The following CSMD2 variants were observed in gnomAD, a reference collection of about 807,000 sequenced individuals.
The protein encoded by CSMD2 is CUB and Sushi multiple domains 2.
Under a neutral mutation model 398.5 loss-of-function variants are expected in CSMD2, and 130 were observed. That is an observed-to-expected ratio of 0.33 (90% confidence interval 0.28 to 0.38). CSMD2 has a LOEUF of 0.38. Ranked by LOEUF, CSMD2 falls within the 10% of genes least tolerant of loss-of-function variation. The probability of loss-of-function intolerance (pLI) is 1.00; values close to 1 mark genes in which losing one functional copy is unlikely to be tolerated. For missense variants in CSMD2, 3,829 were observed against 4,764.9 expected, an observed-to-expected ratio of 0.80 and a Z score of 5.78; for synonymous variants, 1,828 against 1,908.5, an observed-to-expected ratio of 0.96 and a Z score of 1.10.
At chr1:33,677,322 AAAG>A (rs1644751481) in intron 25 of CSMD2, among the ~76,000 whole-genome samples, 1 of 152,270 alleles carries the variant, frequency 6.6e-6, no homozygotes, top group Non-Finnish European at 1.5e-5. Context: ...ATACTTCTCA[AAAG>A]AAGACATTTA....
chr1:33,999,778 G>A (rs1646842843), intron 3 of CSMD2, among the ~76,000 whole-genome samples: 1 of 151,876 alleles, frequency 6.6e-6, no homozygotes, highest in African/African-American at 2.4e-5. Context: ...GAGGATAACT[G>A]GACATACACT....
Position 33,523,360 on chromosome 1 carries a change from C to G in CSMD2, c.10456G>C (p.Val3486Leu). 1 of 1,604,186 alleles carries G rather than the reference C, an allele frequency of 6.2e-7. No individual in the cohort carries two copies. The highest frequency in any genetic ancestry group is 1.3e-5 in the African/African-American group (1 of 74,850). ...LLQVYQITGP[V>L]EIFMNKFKDD... ...TTGAACTTATTCATAAAGATCTCCACAGGCCCTGTAATCTGGTACACCTGG... is the reference window on the plus strand; with the variant it reads ...TTGAACTTATTCATAAAGATCTCCAGAGGCCCTGTAATCTGGTACACCTGG... The change falls in exon 67 of 71, where the codon GTG becomes CTG. Residue 3486 changes from valine to leucine, a missense_variant. Physicochemically the swap from Val to Leu is conservative, Grantham distance 32. This residue lies in a region of CSMD2 where 917 missense variants were observed against 1,199.5 expected (regional missense o/e 0.76). Coordinates refer to ENST00000373381, the MANE Select transcript of CSMD2 (RefSeq NM_001281956.2).
At chr1:34,032,509 C>T in intron 3 of CSMD2, 85 bp downstream of exon 3, 1 of 858,452 alleles carries the variant, frequency 1.2e-6, no homozygotes, top group South Asian at 1.9e-5. Flanking sequence ...GAACACTTCC[C>T]TGCATCTGTG....
chr1:33,998,994 A>C (rs1646812948), intron 3 of CSMD2, among the ~76,000 whole-genome samples: 1 of 152,188 alleles, frequency 6.6e-6, no homozygotes, highest in Non-Finnish European at 1.5e-5. Context: ...TAATAAGGAC[A>C]TTGAAGAAGA....
intron 17 of CSMD2, 123 bp from the exon 18 acceptor site, chr1:33,724,827 C>G: frequency 1.1e-6 from 1 of 880,758 alleles, no homozygotes; most frequent in Non-Finnish European, 1.7e-6. Flanking sequence ...CAATTACTGA[C>G]TCATGAAATG....
At chr1:33,620,252 CTT>C (rs1232980784) in intron 37 of CSMD2, among the ~76,000 whole-genome samples, 1 of 152,236 alleles carries the variant, frequency 6.6e-6, no homozygotes, top group African/African-American at 2.4e-5. Flanking sequence ...GTGGATGTGA[CTT>C]TTCAGTACCC....
chr1:33,591,409 T>C (rs1351102705), intron 44 of CSMD2, among the ~76,000 whole-genome samples: 1 of 152,212 alleles, frequency 6.6e-6, no homozygotes, highest in Non-Finnish European at 1.5e-5. Context: ...CAGCTAATAT[T>C]GAAATGCCTT....
In CSMD2 at chr1:33,520,080, C is replaced by T. The variant is rs535778840; in HGVS notation, c.10598-130G>A. 414 of 1,093,642 alleles carry T rather than the reference C, an allele frequency of 3.8e-4. 1 individual carries two copies. The highest frequency in any genetic ancestry group is 1.9e-3 in the Admixed American group (87 of 46,006). 67.7% of individuals were successfully genotyped at this position (1,093,642 alleles called of 1,614,324 possible). ...GGGTGCTCCTCACTCCTGCTCAGCA[C>T]GGGAGGCAGGTGTGCCCAGGGCTGC... is the stretch of plus-strand genomic sequence containing the variant. On this transcript the variant is annotated intron_variant, in intron 68 of 70. Coordinates refer to ENST00000373381, the MANE Select transcript of CSMD2 (RefSeq NM_001281956.2).
intron 2 of CSMD2, among the ~76,000 whole-genome samples, chr1:34,056,687 T>A (rs1653868514): frequency 6.7e-6 from 1 of 148,402 alleles, no homozygotes; most frequent in Non-Finnish European, 1.5e-5. Flanking sequence ...CTATTACAAT[T>A]ATTTCTATCA....
chr1:33,547,268 T>C (rs557244821), intron 56 of CSMD2, among the ~76,000 whole-genome samples: 17 of 152,250 alleles, frequency 1.1e-4, no homozygotes, highest in African/African-American at 4.1e-4. Flanking sequence ...AGCCACAAGA[T>C]CTATGGTCCC....
intron 4 of CSMD2, among the ~76,000 whole-genome samples, chr1:33,920,497 G>A (rs900908802): frequency 7.3e-6 from 1 of 136,112 alleles, no homozygotes; most frequent in African/African-American, 2.7e-5. Context: ...AGCCGAGATT[G>A]TGCTATTGCA....
Position 33,705,576 on chromosome 1 carries a change from T to C in CSMD2, c.3576+3513A>G, listed in dbSNP as rs78719406. Among the ~76,000 whole-genome samples, 234 of 152,276 alleles carry C rather than the reference T, an allele frequency of 1.5e-3. 5 individuals carry two copies. In the East Asian group the frequency reaches 0.038, roughly 25 times the overall value. On this transcript the variant is annotated intron_variant, in intron 22 of 70. Coordinates refer to ENST00000373381, the MANE Select transcript of CSMD2 (RefSeq NM_001281956.2). ...AGTTTTGTTAAGCTTACCTGTAAAA[T>C]AGTTAAGGCCTGGGGCTTTTGAGAG... is the stretch of plus-strand genomic sequence containing the variant.
intron 6 of CSMD2, among the ~76,000 whole-genome samples, chr1:33,828,605 T>G (rs572539817): frequency 1.6e-4 from 24 of 152,266 alleles, no homozygotes; most frequent in African/African-American, 5.5e-4. Flanking sequence ...GGATTTTCCA[T>G]GTAGGGGCTG....
rs145043361 is a variant in CSMD2 at position 33,942,146 on chromosome 1, G to C, written c.518-6192C>G. ...GGTGCTATTATTATCATCACTTGTT[G>C]AGATAAGCATAGTTGCCAGAGATGT... On this transcript the variant is annotated intron_variant, in intron 3 of 70. Coordinates refer to ENST00000373381, the MANE Select transcript of CSMD2 (RefSeq NM_001281956.2). 6.5e-3 allele frequency among the ~76,000 whole-genome samples: 987 copies of C among 152,300 alleles called. 14 individuals carry two copies. The highest frequency in any genetic ancestry group is 0.022 in the African/African-American group (931 of 41,554).
intron 1 of CSMD2, among the ~76,000 whole-genome samples, chr1:34,125,182 G>A (rs1239968294): frequency 6.6e-6 from 1 of 152,168 alleles, no homozygotes; most frequent in Non-Finnish European, 1.5e-5. Flanking sequence ...CATCTGCATT[G>A]GGTCTTAAAA....
chr1:33,619,670 C>T (rs1178882928), intron 37 of CSMD2, among the ~76,000 whole-genome samples: 1 of 152,200 alleles, frequency 6.6e-6, no homozygotes, highest in African/African-American at 2.4e-5. Flanking sequence ...CAGAACGTTG[C>T]TATCACTCTG....
At chr1:33,794,100 G>C (rs1014275967) in intron 10 of CSMD2, among the ~76,000 whole-genome samples, 5 of 152,262 alleles carry the variant, frequency 3.3e-5, no homozygotes, top group African/African-American at 1.2e-4. Context: ...CCTTCTGCAG[G>C]TTTCCTCCAT....
intron 65 of CSMD2, among the ~76,000 whole-genome samples, chr1:33,526,993 A>G (rs1654836539): frequency 6.6e-6 from 1 of 152,148 alleles, no homozygotes; most frequent in Non-Finnish European, 1.5e-5. Context: ...CTTCCAGATG[A>G]AGTTTCTGCT....
intron 12 of CSMD2, among the ~76,000 whole-genome samples, chr1:33,785,692 A>G (rs946732647): frequency 2.0e-5 from 3 of 152,220 alleles, no homozygotes; most frequent in African/African-American, 7.2e-5. Flanking sequence ...GGCATGCCCT[A>G]TCCTACCATG....
Sources: allele counts gnomAD v4.1 joint callset (sites outside exome capture counted in the v4.1 genomes callset), GRCh38; gene constraint gnomAD v4.1.1; regional missense constraint gnomAD v4.1.1; transcripts MANE v1.5; gene names NCBI Gene and HGNC (gene_info 2026-07-23, HGNC 2026-07-21).